Variants in KCNB2 observed in about 807,000 individuals in gnomAD.
The protein encoded by KCNB2 is delayed rectifier potassium channel protein.
In KCNB2, 15 loss-of-function variants were observed where a neutral mutation model predicts 61.5. That is an observed-to-expected ratio of 0.24 (90% CI 0.16 to 0.38). KCNB2 has a LOEUF of 0.38. Ranked by LOEUF, KCNB2 falls within the 10% of genes least tolerant of loss-of-function variation. The pLI is 1.00. For synonymous variants in KCNB2, 457 were observed against 446.0 expected (o/e 1.02, Z -0.31); for missense variants, 828 against 1,125.2 (o/e 0.74, Z 3.78).
chr8:72,778,733 CAAAAAAAAAAAAAAAAA>C (rs753797385), intron 2 of KCNB2, among the ~76,000 whole-genome samples: 3 of 14,172 alleles, frequency 2.1e-4, no homozygotes, highest in African/African-American at 3.2e-4. Flanking sequence ...ACAGAGCGAG[CAAAAAAAAAAAAAAAAA>C]AAAAAAAAAA....
chr8:72,602,054 A>G (rs1805358138), intron 2 of KCNB2, among the ~76,000 whole-genome samples: 1 of 152,226 alleles, frequency 6.6e-6, no homozygotes, highest in African/African-American at 2.4e-5. Flanking sequence ...CTGGGTTGCA[A>G]TGGGGGAGGG....
intron 2 of KCNB2, among the ~76,000 whole-genome samples, chr8:72,730,118 C>T (rs555799526): frequency 6.6e-6 from 1 of 152,204 alleles, no homozygotes; most frequent in South Asian, 2.1e-4. Context: ...GCCCCCAATT[C>T]TGTCTGCTCC....
At chr8:72,688,823 C>G (rs145814870) in intron 2 of KCNB2, among the ~76,000 whole-genome samples, 257 of 152,206 alleles carry the variant, frequency 1.7e-3, no homozygotes, top group African/African-American at 5.9e-3. Flanking sequence ...GCCTCCCAGG[C>G]TCAAGCAGTC....
At chr8:72,872,263 A>G (rs1805630273) in intron 2 of KCNB2, among the ~76,000 whole-genome samples, 2 of 152,216 alleles carry the variant, frequency 1.3e-5, no homozygotes, top group Admixed American at 6.5e-5. Flanking sequence ...TGCAGCTGTG[A>G]TTGTAATTGA....
At chr8:72,545,728 AG>A (rs1483456099) in intron 1 of KCNB2, among the ~76,000 whole-genome samples, 43 of 152,212 alleles carry the variant, frequency 2.8e-4, no homozygotes, top group African/African-American at 1.0e-3. Flanking sequence ...GAAAGGATTA[AG>A]CTTAGTGAGG....
chr8:72,694,444 A>G (rs1806986590), intron 2 of KCNB2, among the ~76,000 whole-genome samples: 1 of 152,192 alleles, frequency 6.6e-6, no homozygotes, highest in African/African-American at 2.4e-5. Context: ...GCCTTAATCG[A>G]TCATTCTAAA....
chr8:72,636,307 CTTA>C (rs1563545244), intron 2 of KCNB2, among the ~76,000 whole-genome samples: 1 of 152,112 alleles, frequency 6.6e-6, no homozygotes, highest in African/African-American at 2.4e-5. Flanking sequence ...TGAAGTCCTA[CTTA>C]TTATAGCAAA....
intron 2 of KCNB2, among the ~76,000 whole-genome samples, chr8:72,683,057 C>A (rs778193352): frequency 2.6e-5 from 4 of 152,194 alleles, no homozygotes; most frequent in Non-Finnish European, 5.9e-5. Flanking sequence ...TTAAAAGAAT[C>A]ACAGGCTCTG....
At chr8:72,715,918 G>A (rs1807429767) in intron 2 of KCNB2, among the ~76,000 whole-genome samples, 1 of 152,072 alleles carries the variant, frequency 6.6e-6, no homozygotes. Flanking sequence ...CTGCTAGCAA[G>A]ACTAATAAAG....
At chr8:72,693,910 G>A (rs189542173) in intron 2 of KCNB2, among the ~76,000 whole-genome samples, 2 of 152,210 alleles carry the variant, frequency 1.3e-5, no homozygotes, top group East Asian at 1.9e-4. Context: ...CTTAGAGTTC[G>A]ACATTGTTTT....
At chr8:72,788,816 A>G (rs994390830) in intron 2 of KCNB2, among the ~76,000 whole-genome samples, 4 of 152,190 alleles carry the variant, frequency 2.6e-5, no homozygotes, top group African/African-American at 7.2e-5. Flanking sequence ...AGATGAGCCC[A>G]TCATCTACTT....
At chr8:72,722,403 A>G (rs917393999) in intron 2 of KCNB2, among the ~76,000 whole-genome samples, 21 of 152,238 alleles carry the variant, frequency 1.4e-4, no homozygotes, top group Admixed American at 9.2e-4. Context: ...CTCTCCCACT[A>G]TCCTCTGAAC....
intron 2 of KCNB2, among the ~76,000 whole-genome samples, chr8:72,812,228 A>G (rs920877516): frequency 3.3e-5 from 5 of 152,056 alleles, no homozygotes; most frequent in Non-Finnish European, 7.4e-5. Context: ...AGATCGCACC[A>G]CTGCCCTCCA....
chr8:72,748,305 C>T (rs1250405480), intron 2 of KCNB2, among the ~76,000 whole-genome samples: 2 of 152,040 alleles, frequency 1.3e-5, no homozygotes, highest in Non-Finnish European at 2.9e-5. Flanking sequence ...TAAATGTAGC[C>T]TCTAAGATGA....
intron 2 of KCNB2, among the ~76,000 whole-genome samples, chr8:72,742,591 G>A (rs937764054): frequency 6.6e-5 from 10 of 152,128 alleles, no homozygotes; most frequent in Admixed American, 6.5e-4. Context: ...GCATCCAGGT[G>A]GCCTCTAACT....
intron 2 of KCNB2, among the ~76,000 whole-genome samples, chr8:72,599,795 C>A (rs1807262687): frequency 6.6e-6 from 1 of 152,102 alleles, no homozygotes; most frequent in Admixed American, 6.5e-5. Flanking sequence ...AGGATATGAA[C>A]AGACACTTCT....
intron 2 of KCNB2, among the ~76,000 whole-genome samples, chr8:72,935,198 TA>T (rs1275492688): frequency 5.9e-5 from 9 of 152,208 alleles, no homozygotes; most frequent in African/African-American, 2.2e-4. Flanking sequence ...TACTTCATTC[TA>T]AGCTGTTCCT....
chr8:72,793,145 G>A (rs753187136), intron 2 of KCNB2, among the ~76,000 whole-genome samples: 4 of 152,166 alleles, frequency 2.6e-5, no homozygotes, highest in Non-Finnish European at 5.9e-5. Flanking sequence ...ACATTTATGT[G>A]TTCATTCAAG....
intron 2 of KCNB2, among the ~76,000 whole-genome samples, chr8:72,581,907 G>A (rs981782374): frequency 5.9e-5 from 9 of 152,202 alleles, no homozygotes; most frequent in Admixed American, 4.6e-4. Flanking sequence ...CATAGGTAAA[G>A]TGTAGCCTTT....
Sources: gnomAD v4.1 joint callset for allele counts (sites outside exome capture counted in the v4.1 genomes callset) on GRCh38, gnomAD v4.1.1 for gene constraint, MANE v1.5 for transcripts, NCBI Gene and HGNC (gene_info 2026-07-23, HGNC 2026-07-21) for gene names.